Variants in CFDP1 observed in about 807,000 individuals in gnomAD.
CFDP1 encodes chromatin remodeling protein CFDP1, also known as heterochromatin-stabilizing protein CFDP1.
A neutral mutation model predicts 40.1 loss-of-function variants in CFDP1; 31 were observed. That is an observed-to-expected ratio of 0.77 (90% CI 0.58 to 1.04). The LOEUF is 1.04. Among genes scored for constraint, CFDP1 ranks in the 50% least tolerant of loss-of-function variants. The probability of loss-of-function intolerance (pLI) is 0.00; values close to 1 mark genes in which losing one functional copy is unlikely to be tolerated. For synonymous variants in CFDP1, 167 were observed against 120.0 expected, an observed-to-expected ratio of 1.39 and a Z score of -2.56; for missense variants, 423 against 343.4, an observed-to-expected ratio of 1.23 and a Z score of -1.83.
intron 5 of CFDP1, among the ~76,000 whole-genome samples, chr16:75,348,842 C>T (rs1488297426): frequency 4.6e-5 from 7 of 152,014 alleles, no homozygotes; most frequent in African/African-American, 1.7e-4. Context: ...CTTTTTGATG[C>T]TTTTGTAAAT....
At chr16:75,351,648 T>C (rs577792099) in intron 5 of CFDP1, among the ~76,000 whole-genome samples, 2 of 152,270 alleles carry the variant, frequency 1.3e-5, no homozygotes, top group African/African-American at 4.8e-5. Flanking sequence ...AGTGTACCAA[T>C]CAATTTTGAA....
chr16:75,330,131 A>G (rs2078434622), intron 5 of CFDP1, among the ~76,000 whole-genome samples: 1 of 152,246 alleles, frequency 6.6e-6, no homozygotes, highest in South Asian at 2.1e-4. Flanking sequence ...GTTGAAGGCC[A>G]CTGCTGTAGC....
chr16:75,347,436 T>A (rs1264428186), intron 5 of CFDP1, among the ~76,000 whole-genome samples: 1 of 150,508 alleles, frequency 6.6e-6, no homozygotes, highest in Non-Finnish European at 1.5e-5. Flanking sequence ...TCCCAGCACT[T>A]TAGGAGGCCC....
chr16:75,368,835 A>G (rs2078733751), intron 5 of CFDP1, among the ~76,000 whole-genome samples: 1 of 152,030 alleles, frequency 6.6e-6, no homozygotes, highest in Admixed American at 6.6e-5. Context: ...GAGTTTCGCC[A>G]TGTGCCCAGG....
At chr16:75,400,699 T>C (rs1314437098) in intron 4 of CFDP1, among the ~76,000 whole-genome samples, 1 of 152,220 alleles carries the variant, frequency 6.6e-6, no homozygotes, top group African/African-American at 2.4e-5. Flanking sequence ...TATGTATTCA[T>C]TCTTCCTTTG....
At chr16:75,431,454 CAAAAAAAA>C (rs60902612) in intron 1 of CFDP1, among the ~76,000 whole-genome samples, 7 of 59,600 alleles carry the variant, frequency 1.2e-4, no homozygotes, top group Admixed American at 2.8e-4. Flanking sequence ...ACTCTTGTCT[CAAAAAAAA>C]AAAAAAAAAA....
At chr16:75,306,792 T>C (rs1176597851) in intron 5 of CFDP1, among the ~76,000 whole-genome samples, 1 of 152,096 alleles carries the variant, frequency 6.6e-6, no homozygotes, top group Non-Finnish European at 1.5e-5. Context: ...GAACTCCAAA[T>C]AGCTCTTTAT....
At chr16:75,393,005 C>T (rs1287937247) in intron 5 of CFDP1, among the ~76,000 whole-genome samples, 1 of 152,136 alleles carries the variant, frequency 6.6e-6, no homozygotes, top group Non-Finnish European at 1.5e-5. Flanking sequence ...AGGAAGTAGC[C>T]CCATCCACAT....
intron 5 of CFDP1, among the ~76,000 whole-genome samples, chr16:75,326,426 G>T (rs919788596): frequency 6.6e-6 from 1 of 152,196 alleles, no homozygotes; most frequent in Non-Finnish European, 1.5e-5. Flanking sequence ...CTGCCAGAAA[G>T]AATTAATTTA....
chr16:75,341,394 T>C (rs540781756), intron 5 of CFDP1, among the ~76,000 whole-genome samples: 4 of 152,308 alleles, frequency 2.6e-5, no homozygotes, highest in African/African-American at 9.6e-5. Flanking sequence ...TTTGCTATAA[T>C]GTTCAGAAAG....
chr16:75,311,523 T>C (rs1391932290), intron 5 of CFDP1, among the ~76,000 whole-genome samples: 1 of 152,128 alleles, frequency 6.6e-6, no homozygotes, highest in African/African-American at 2.4e-5. Flanking sequence ...TATTCAACAC[T>C]ACACTTGAAC....
intron 1 of CFDP1, among the ~76,000 whole-genome samples, chr16:75,426,602 G>C (rs1325880723): frequency 6.6e-6 from 1 of 151,918 alleles, no homozygotes; most frequent in East Asian, 1.9e-4. Flanking sequence ...TTTGAGCCCA[G>C]GAAGTAAAGG....
chr16:75,403,749 G>A (rs1030916367), intron 4 of CFDP1, among the ~76,000 whole-genome samples: 3 of 152,090 alleles, frequency 2.0e-5, no homozygotes, highest in Non-Finnish European at 2.9e-5. Flanking sequence ...TACTGTCAGC[G>A]TTCTGCTGGT....
At chr16:75,313,792 TAGAG>T (rs1170039907) in intron 5 of CFDP1, among the ~76,000 whole-genome samples, 1 of 151,234 alleles carries the variant, frequency 6.6e-6, no homozygotes, top group Non-Finnish European at 1.5e-5. Flanking sequence ...AGAAATTCCA[TAGAG>T]AATCTCAAGT....
chr16:75,392,463 A>G (rs945115612), intron 5 of CFDP1, among the ~76,000 whole-genome samples: 7 of 152,224 alleles, frequency 4.6e-5, no homozygotes, highest in Admixed American at 1.3e-4. Flanking sequence ...GTATAAGCAT[A>G]TAAGTAACTG....
chr16:75,402,851 T>C lies in CFDP1; in HGVS notation c.531-7642A>G, dbSNP rs144234195. Among the ~76,000 whole-genome samples, 580 of 152,322 alleles carry C rather than the reference T, an allele frequency of 3.8e-3. 3 individuals carry two copies. Among genetic ancestry groups the C allele is most frequent in the African/African-American group, 0.013 (560 of 41,574 alleles). ...AAAAATCCTGTCAACATGCCCACTATTAACAGGGTTTTTGTTTTCTTTAGG... is the reference window on the plus strand; with the variant it reads ...AAAAATCCTGTCAACATGCCCACTACTAACAGGGTTTTTGTTTTCTTTAGG... On this transcript the variant is annotated intron_variant, in intron 4 of 6. Coordinates refer to ENST00000283882, the MANE Select transcript of CFDP1 (RefSeq NM_006324.3).
intron 4 of CFDP1, among the ~76,000 whole-genome samples, chr16:75,397,407 T>C (rs1434263694): frequency 6.6e-6 from 1 of 150,934 alleles, no homozygotes; most frequent in Non-Finnish European, 1.5e-5. Flanking sequence ...TCCAGCTACT[T>C]AGGAGGCTGA....
chr16:75,339,890 T>C (rs1010901925), intron 5 of CFDP1, among the ~76,000 whole-genome samples: 1 of 152,238 alleles, frequency 6.6e-6, no homozygotes, highest in African/African-American at 2.4e-5. Flanking sequence ...CAAAGATTCC[T>C]TAAAAATCTT....
At chr16:75,347,442 G>A (rs2078577471) in intron 5 of CFDP1, among the ~76,000 whole-genome samples, 1 of 151,642 alleles carries the variant, frequency 6.6e-6, no homozygotes, top group South Asian at 2.1e-4. Flanking sequence ...CACTTTAGGA[G>A]GCCCAGGTGG....
Sources: allele counts gnomAD v4.1 joint callset (sites outside exome capture counted in the v4.1 genomes callset), GRCh38; gene constraint gnomAD v4.1.1; transcripts MANE v1.5; gene names NCBI Gene and HGNC (gene_info 2026-07-23, HGNC 2026-07-21).